CEP126: variants seen among roughly 807,000 people sequenced by gnomAD.
CEP126 encodes centrosomal protein 126.
Under a neutral mutation model 107.8 loss-of-function variants are expected in CEP126, and 74 were observed. The observed-to-expected ratio is 0.69, with a 90% CI of 0.57 to 0.83. The LOEUF (loss-of-function observed/expected upper bound fraction) is 0.83. Ranked by LOEUF, CEP126 falls within the 40% of genes least tolerant of loss-of-function variation. The pLI, the probability that CEP126 is intolerant of heterozygous loss-of-function variation, is 0.00. For missense variants in CEP126, 1,237 were observed against 1,281.9 expected (o/e 0.96, Z 0.53); for synonymous variants, 449 against 446.0 (o/e 1.01, Z -0.08).
intron 8 of CEP126, among the ~76,000 whole-genome samples, chr11:101,984,649 T>A (rs1242710667): frequency 6.6e-6 from 1 of 152,186 alleles, no homozygotes; most frequent in African/African-American, 2.4e-5. Flanking sequence ...TAGAGCAGTG[T>A]ACACTCATAA....
intron 6 of CEP126, among the ~76,000 whole-genome samples, chr11:101,976,521 G>T (rs556150498): frequency 6.6e-6 from 1 of 152,168 alleles, no homozygotes; most frequent in South Asian, 2.1e-4. Flanking sequence ...AAAGGTAAAG[G>T]CTTTTTTGTA....
chr11:101,973,985 A>G (rs539200522), intron 6 of CEP126, among the ~76,000 whole-genome samples: 39 of 152,174 alleles, frequency 2.6e-4, no homozygotes, highest in African/African-American at 8.9e-4. Context: ...TTTTCTGCCA[A>G]TTTGTGATTG....
chr11:101,923,686 C>T (rs773413659), intron 2 of CEP126, among the ~76,000 whole-genome samples: 13 of 152,114 alleles, frequency 8.5e-5, no homozygotes, highest in South Asian at 2.1e-4. Context: ...CTGCTTTTCT[C>T]CTACCTTTGG....
At chr11:101,918,495 A>G (rs1396229286) in intron 1 of CEP126, among the ~76,000 whole-genome samples, 1 of 152,158 alleles carries the variant, frequency 6.6e-6, no homozygotes, top group African/African-American at 2.4e-5. Flanking sequence ...ATAATAAAAC[A>G]TAGTTTTGTA....
Position 101,952,474 on chromosome 11 carries a change from A to G in CEP126, c.506+4332A>G, listed in dbSNP as rs1321573478. Among the ~76,000 whole-genome samples, 7 of 152,200 alleles carry G rather than the reference A, an allele frequency of 4.6e-5. No individual in the cohort carries two copies. The South Asian group carries it at 1.2e-3, about 27-fold the overall frequency. On this transcript the variant is annotated intron_variant, in intron 4 of 10. Coordinates refer to ENST00000263468, the MANE Select transcript of CEP126 (RefSeq NM_020802.4). ...TCTTGAAAGCTATTTAGAAGGTACA[A>G]TCAATATGCTTTGGTAACTGTTTAA...
chr11:101,921,913 G>C (rs1940334378), intron 1 of CEP126, among the ~76,000 whole-genome samples: 1 of 146,816 alleles, frequency 6.8e-6, no homozygotes, highest in South Asian at 2.2e-4. Flanking sequence ...AGCCTCCTGA[G>C]TAGTTGAGAT....
At chr11:101,956,472 A>G (rs936174042) in intron 4 of CEP126, 9 of 456,372 alleles carry the variant, frequency 2.0e-5, no homozygotes, top group Admixed American at 1.6e-4. Flanking sequence ...GCCTTTGCAG[A>G]TCATCCACCA....
chr11:101,945,424 A>G (rs1201613085), intron 3 of CEP126, among the ~76,000 whole-genome samples: 1 of 152,238 alleles, frequency 6.6e-6, no homozygotes, highest in Non-Finnish European at 1.5e-5. Context: ...TTTATATGCC[A>G]TGCCAGGAAT....
chr11:101,930,609 C>T (rs1565350972), intron 2 of CEP126, among the ~76,000 whole-genome samples: 1 of 152,176 alleles, frequency 6.6e-6, no homozygotes, highest in Non-Finnish European at 1.5e-5. Context: ...CTCTGGTGGC[C>T]AGCTTTTATC....
intron 6 of CEP126, among the ~76,000 whole-genome samples, chr11:101,975,230 G>T (rs573181280): frequency 6.6e-6 from 1 of 152,052 alleles, no homozygotes; most frequent in Non-Finnish European, 1.5e-5. Flanking sequence ...GACATGACTC[G>T]TTCGTCAATT....
At chr11:101,918,781 TATC>T (rs1318297014) in intron 1 of CEP126, among the ~76,000 whole-genome samples, 1 of 152,146 alleles carries the variant, frequency 6.6e-6, no homozygotes, top group East Asian at 1.9e-4. Context: ...AGAAGACACT[TATC>T]ATGTACTCAT....
chr11:101,985,083 A>G (rs1796374911), intron 8 of CEP126, among the ~76,000 whole-genome samples: 1 of 152,178 alleles, frequency 6.6e-6, no homozygotes, highest in African/African-American at 2.4e-5. Context: ...ATTGCTTTTC[A>G]GTAGATATAA....
intron 6 of CEP126, among the ~76,000 whole-genome samples, chr11:101,972,024 G>A (rs768784443): frequency 2.0e-5 from 3 of 151,766 alleles, no homozygotes; most frequent in South Asian, 2.1e-4. Flanking sequence ...CAGGAGAATC[G>A]CTTCAATCAC....
chr11:101,944,491 A>G, intron 3 of CEP126, 81 bp downstream of exon 3: 1 of 1,340,076 alleles, frequency 7.5e-7, no homozygotes, highest in Non-Finnish European at 1.0e-6. Flanking sequence ...TCGTAAATGA[A>G]GAAATGAAGT....
At chr11:101,955,151 AAT>A (rs1474139167) in intron 4 of CEP126, among the ~76,000 whole-genome samples, 1 of 152,234 alleles carries the variant, frequency 6.6e-6, no homozygotes, top group Non-Finnish European at 1.5e-5. Flanking sequence ...TAAATCAGAG[AAT>A]ATATTCTCAT....
At position 102,000,007 on chromosome 11, in the gene CEP126, C is replaced by T. The variant is rs570206724; in HGVS notation, c.*2364C>T. The T allele has an allele frequency of 1.4e-4, 21 of 152,086 alleles. No homozygotes were observed. Among genetic ancestry groups the T allele is most frequent in the African/African-American group, 5.1e-4 (21 of 41,476 alleles). 9.4% of individuals were successfully genotyped at this position (152,086 alleles called of 1,614,324 possible). On this transcript the variant is annotated 3_prime_UTR_variant, in exon 11 of 11. Transcript: ENST00000263468. ...ACCATCCTGGCCAACATGGTGAAAC[C>T]CTGTCTCTACTAAAAATACAAAAAT...
chr11:101,983,842 A>C (rs562706874), intron 8 of CEP126, among the ~76,000 whole-genome samples: 2 of 152,360 alleles, frequency 1.3e-5, no homozygotes, highest in South Asian at 4.1e-4. Flanking sequence ...TATGATAGGC[A>C]AAAGCTTGTG....
intron 9 of CEP126, among the ~76,000 whole-genome samples, chr11:101,992,466 T>A (rs1941396342): frequency 6.6e-6 from 1 of 151,994 alleles, no homozygotes; most frequent in Admixed American, 6.6e-5. Context: ...AGGATGAAAT[T>A]AATATTTTTT....
In CEP126 at chr11:101,922,691, T is replaced by A; in HGVS notation, c.179T>A (p.Leu60Ter). The A allele has an allele frequency of 6.2e-7, 1 of 1,610,638 alleles. No homozygotes were observed. The highest frequency in any genetic ancestry group is 1.3e-5 in the African/African-American group (1 of 74,970). Residue 60 changes from leucine to a stop codon, truncating the protein, a stop_gained, in exon 2 of 11, where the codon TTA (leucine) becomes TAA (stop). Coordinates refer to ENST00000263468, the MANE Select transcript of CEP126 (RefSeq NM_020802.4). LOFTEE classifies it high-confidence loss of function. Reference sequence around the variant, plus strand: ...AATTTAGAAGAAGAGCGCCAGATATTACTGCAGCAACAAAAAATATGTCGA... The same window carrying A: ...AATTTAGAAGAAGAGCGCCAGATATAACTGCAGCAACAAAAAATATGTCGA... ...EKNLEEERQI[L>*]LQQQKICRNR...
Sources: allele counts gnomAD v4.1 joint callset (sites outside exome capture counted in the v4.1 genomes callset), GRCh38; gene constraint gnomAD v4.1.1; transcripts MANE v1.5; gene names NCBI Gene and HGNC (gene_info 2026-07-23, HGNC 2026-07-21).